NBAS: variants seen among roughly 807,000 people sequenced by gnomAD.
NBAS encodes NAG/BC035112 fusion.
Under a neutral mutation model 302.5 loss-of-function variants are expected in NBAS, and 219 were observed. The observed-to-expected ratio is 0.72, with a 90% CI of 0.65 to 0.81. The LOEUF is 0.81. Among genes scored for constraint, NBAS ranks in the 30% least tolerant of loss-of-function variants. The pLI is 0.00. For synonymous variants in NBAS, 1,118 were observed against 1,021.6 expected (o/e 1.09, Z -1.80); for missense variants, 2,932 against 2,841.6 (o/e 1.03, Z -0.72).
chr2:14,872,540 A>C, the NBAS span, among the ~76,000 whole-genome samples: 1 of 151,952 alleles, frequency 6.6e-6, no homozygotes, highest in Non-Finnish European at 1.5e-5. Context: ...GTTCCTTCTG[A>C]TATTTGGAAG....
chr2:15,376,756 T>C (rs1674764414), intron 30 of NBAS, among the ~76,000 whole-genome samples: 1 of 152,164 alleles, frequency 6.6e-6, no homozygotes, highest in Non-Finnish European at 1.5e-5. Flanking sequence ...AATTAATAAA[T>C]AATACTTTAA....
chr2:14,967,457 A>C, the NBAS span, among the ~76,000 whole-genome samples: 1 of 152,354 alleles, frequency 6.6e-6, no homozygotes, highest in East Asian at 1.9e-4. Flanking sequence ...AGATAAAGAA[A>C]ACAGCATAGA....
the NBAS span, among the ~76,000 whole-genome samples, chr2:15,057,088 C>G: frequency 6.6e-6 from 1 of 151,954 alleles, no homozygotes; most frequent in African/African-American, 2.4e-5. Context: ...CCTGGGCCTC[C>G]CAAAGTGGTG....
the NBAS span, among the ~76,000 whole-genome samples, chr2:14,942,567 G>T: frequency 6.6e-6 from 1 of 152,130 alleles, no homozygotes; most frequent in Non-Finnish European, 1.5e-5. Flanking sequence ...GGAACCATGA[G>T]CCAATTCAAC....
At chr2:15,348,039 C>T (rs1037801577) in intron 35 of NBAS, among the ~76,000 whole-genome samples, 1 of 152,160 alleles carries the variant, frequency 6.6e-6, no homozygotes, top group African/African-American at 2.4e-5. Context: ...CACATAAAGT[C>T]ATCTCTCATT....
the NBAS span, among the ~76,000 whole-genome samples, chr2:15,093,709 T>G: frequency 6.6e-6 from 1 of 150,608 alleles, no homozygotes; most frequent in Non-Finnish European, 1.5e-5. Context: ...TAAATAATGT[T>G]ACAACCAAAG....
chr2:15,426,481 C>G (rs1025011227), intron 22 of NBAS, among the ~76,000 whole-genome samples: 1 of 152,136 alleles, frequency 6.6e-6, no homozygotes, highest in African/African-American at 2.4e-5. Context: ...TTTTAAATAA[C>G]TGGTCTCTTA....
the NBAS span, among the ~76,000 whole-genome samples, chr2:14,871,221 G>C: frequency 6.6e-6 from 1 of 150,566 alleles, no homozygotes; most frequent in Non-Finnish European, 1.5e-5. Flanking sequence ...AGAAAGATGA[G>C]GGAAGAGAAA....
At position 15,205,367 on chromosome 2, in the gene NBAS, A is replaced by T. The variant is rs10171864; in HGVS notation, c.6432+13406T>A. On this transcript the variant is annotated intron_variant, in intron 48 of 51. Transcript: ENST00000281513. ...GGAAGAGAAGACAACAACACAAAAG[A>T]AACAACAACAACAACAAAAACAGCA... 7.3e-3 allele frequency among the ~76,000 whole-genome samples: 1,114 copies of T among 152,226 alleles called. 15 individuals are homozygous for T. The highest frequency in any genetic ancestry group is 0.026 in the African/African-American group (1,071 of 41,536).
At chr2:14,876,378 TTA>T in the NBAS span, among the ~76,000 whole-genome samples, 4 of 152,228 alleles carry the variant, frequency 2.6e-5, no homozygotes, top group African/African-American at 4.8e-5. Flanking sequence ...CCCAGTTTCC[TTA>T]TGTCTCCACT....
At chr2:14,998,493 T>C in the NBAS span, among the ~76,000 whole-genome samples, 1 of 152,106 alleles carries the variant, frequency 6.6e-6, no homozygotes, top group Non-Finnish European at 1.5e-5. Flanking sequence ...GGCGGTACCT[T>C]ACCTACGTGA....
At chr2:14,794,723 T>C in the NBAS span, among the ~76,000 whole-genome samples, 1 of 152,174 alleles carries the variant, frequency 6.6e-6, no homozygotes, top group Non-Finnish European at 1.5e-5. Context: ...TCTCAAAAAA[T>C]TTCCTCATGC....
the NBAS span, among the ~76,000 whole-genome samples, chr2:14,910,345 T>G: frequency 2.0e-5 from 3 of 152,196 alleles, no homozygotes; most frequent in Admixed American, 1.3e-4. Flanking sequence ...CTTTTTCTGC[T>G]CTGAGCCTCA....
At chr2:15,395,878 G>A (rs1417635710) in intron 27 of NBAS, among the ~76,000 whole-genome samples, 1 of 152,052 alleles carries the variant, frequency 6.6e-6, no homozygotes, top group Non-Finnish European at 1.5e-5. Flanking sequence ...ATCTCCAGAA[G>A]AGATAGTTTA....
At chr2:15,129,033 G>A in the NBAS span, among the ~76,000 whole-genome samples, 1 of 152,226 alleles carries the variant, frequency 6.6e-6, no homozygotes, top group Non-Finnish European at 1.5e-5. Flanking sequence ...GTGCCCATGG[G>A]CGGGCCCTGC....
intron 25 of NBAS, among the ~76,000 whole-genome samples, chr2:15,409,584 T>C (rs1207220089): frequency 6.6e-6 from 1 of 152,236 alleles, no homozygotes; most frequent in Non-Finnish European, 1.5e-5. Flanking sequence ...CTTTTATTAT[T>C]ACAGTTTCAA....
chr2:15,053,332 G>T, the NBAS span, among the ~76,000 whole-genome samples: 1 of 152,094 alleles, frequency 6.6e-6, no homozygotes, highest in African/African-American at 2.4e-5. Flanking sequence ...GAATAATATC[G>T]CATGCATAGA....
At chr2:15,386,210 ACAGT>A (rs1675287640) in intron 28 of NBAS, among the ~76,000 whole-genome samples, 1 of 152,188 alleles carries the variant, frequency 6.6e-6, no homozygotes, top group African/African-American at 2.4e-5. Flanking sequence ...GCTGCAAGAG[ACAGT>A]CAGAGAGGTA....
At position 15,478,284 on chromosome 2, in the gene NBAS, G is replaced by C. The variant is rs375726902; in HGVS notation, c.1089C>G (p.Gly363=). The change falls in exon 13 of 52, where the codon GGC becomes GGG. Residue 363 remains glycine (G), a synonymous_variant. Coordinates refer to ENST00000281513, the MANE Select transcript of NBAS (RefSeq NM_015909.4). ...QGEWGQNEQP[G]YDDLNPDWRL... ...TCCAATCAGGATTAAGGTCATCATA[G>C]CCTGGCTAAATATGAAAATAATGAC... is the stretch of plus-strand genomic sequence containing the variant. 6.2e-7 allele frequency: 1 copy of C among 1,609,682 alleles called. No individual in the cohort carries two copies. Among genetic ancestry groups the C allele is most frequent in the African/African-American group, 1.3e-5 (1 of 74,860 alleles).
Sources: gnomAD v4.1 joint callset for allele counts (sites outside exome capture counted in the v4.1 genomes callset) on GRCh38, gnomAD v4.1.1 for gene constraint, MANE v1.5 for transcripts, NCBI Gene and HGNC (gene_info 2026-07-23, HGNC 2026-07-21) for gene names.